PRUNE2: variants seen among roughly 807,000 people sequenced by gnomAD.
PRUNE2 encodes the protein prune homolog 2 with BCH domain.
A neutral mutation model predicts 252.0 loss-of-function variants in PRUNE2; 164 were observed. The ratio of observed to expected loss-of-function variants is 0.65; its 90% CI spans 0.57 to 0.74. The LOEUF (loss-of-function observed/expected upper bound fraction) is 0.74, where lower values mean the gene tolerates loss of function less well. Among genes scored for constraint, PRUNE2 ranks in the 30% least tolerant of loss-of-function variants. The pLI is 0.00. For missense variants in PRUNE2, 3,495 were observed against 3,711.0 expected (o/e 0.94, Z 1.51); for synonymous variants, 1,292 against 1,350.2 (o/e 0.96, Z 0.94).
In PRUNE2 at chr9:76,854,140, G is replaced by A; in HGVS notation, c.105C>T (p.Leu35=). ...IGPKSCDLDS[L]ISTFTYAYFL... ...AGTAAGCATATGTGAAGGTAGAAAT[G>A]AGAGAATCCAAGTCACACGATTTAG... is the stretch of plus-strand genomic sequence containing the variant. The change falls in exon 2 of 19, where the codon CTC becomes CTT. Residue 35 remains leucine (L), a synonymous_variant. Transcript: ENST00000376718. 6.2e-7 allele frequency: 1 copy of A among 1,601,354 alleles called. No individual in the cohort carries two copies. Among genetic ancestry groups the A allele is most frequent in the Non-Finnish European group, 8.5e-7 (1 of 1,171,460 alleles).
Position 76,710,272 on chromosome 9 carries a change from C to A in PRUNE2, c.2002G>T (p.Ala668Ser). ...TGTTCACTGGAACTCCACGCATCTG[C>A]AATATTTTTGGAGTCAATTTCCAAA... ...GGLEIDSKNI[A>S]DAWSSSEQES... Residue 668 changes from alanine to serine, a missense_variant, in exon 8 of 19, where the codon GCA (alanine) becomes TCA (serine). Transcript: ENST00000376718. 1 of 1,613,976 alleles carries A rather than the reference C, an allele frequency of 6.2e-7. No individual in the cohort carries two copies. Among genetic ancestry groups the A allele is most frequent in the Non-Finnish European group, 8.5e-7 (1 of 1,179,884 alleles).
intron 6 of PRUNE2, among the ~76,000 whole-genome samples, chr9:76,796,622 A>G (rs540635553): frequency 6.6e-6 from 1 of 152,264 alleles, no homozygotes; most frequent in African/African-American, 2.4e-5. Flanking sequence ...TGCATTTCCT[A>G]ATTGTCATAG....
chr9:76,823,569 C>G, intron 6 of PRUNE2, 63 bp downstream of exon 6: 2 of 920,490 alleles, frequency 2.2e-6, no homozygotes, highest in East Asian at 4.8e-5. Flanking sequence ...GAGTTACATT[C>G]CAGTTGCTCA....
chr9:76,671,841 C>T (rs1421327983), intron 9 of PRUNE2, among the ~76,000 whole-genome samples: 2 of 151,662 alleles, frequency 1.3e-5, no homozygotes, highest in Non-Finnish European at 2.9e-5. Flanking sequence ...ACTTTACAGA[C>T]AAGCAAATGC....
At chr9:76,790,651 TAAG>T (rs1252174018) in intron 6 of PRUNE2, among the ~76,000 whole-genome samples, 3 of 152,088 alleles carry the variant, frequency 2.0e-5, no homozygotes, top group Non-Finnish European at 2.9e-5. Flanking sequence ...CTTATAAAAA[TAAG>T]AAGGAGAAAG....
intron 9 of PRUNE2, among the ~76,000 whole-genome samples, chr9:76,668,691 G>C (rs951647645): frequency 6.6e-6 from 1 of 151,836 alleles, no homozygotes; most frequent in South Asian, 2.1e-4. Context: ...GGCCTGTGGG[G>C]CCTCCCCACT....
chr9:76,904,110 T>C (rs1264942092), intron 1 of PRUNE2, among the ~76,000 whole-genome samples: 2 of 152,344 alleles, frequency 1.3e-5, no homozygotes, highest in Non-Finnish European at 2.9e-5. Flanking sequence ...TGGCTGGATG[T>C]GAAAGGTTAA....
intron 6 of PRUNE2, among the ~76,000 whole-genome samples, chr9:76,734,653 T>G (rs1336999863): frequency 6.6e-6 from 1 of 152,230 alleles, no homozygotes; most frequent in East Asian, 1.9e-4. Context: ...CATAAGCATT[T>G]TTGTCTGTCA....
intron 9 of PRUNE2, among the ~76,000 whole-genome samples, chr9:76,672,495 G>A (rs1445191591): frequency 1.4e-4 from 17 of 123,950 alleles, no homozygotes; most frequent in Non-Finnish European, 2.5e-4. Flanking sequence ...ACAGATCAAC[G>A]AGACAGAAAG....
At chr9:76,744,110 T>C (rs890256160) in intron 6 of PRUNE2, among the ~76,000 whole-genome samples, 1 of 152,206 alleles carries the variant, frequency 6.6e-6, no homozygotes, top group Non-Finnish European at 1.5e-5. Context: ...AAACAGTCAG[T>C]TCCTTCTGAA....
chr9:76,866,919 C>A (rs2065078067), intron 1 of PRUNE2, among the ~76,000 whole-genome samples: 1 of 152,222 alleles, frequency 6.6e-6, no homozygotes, highest in Middle Eastern at 3.4e-3. Context: ...CTGTGAACAG[C>A]CCAGGCCCCT....
intron 6 of PRUNE2, among the ~76,000 whole-genome samples, chr9:76,807,230 T>TAAA (rs56229301): frequency 1.4e-5 from 2 of 145,982 alleles, no homozygotes; most frequent in Middle Eastern, 3.3e-3. Context: ...CTGGCTAATT[T>TAAA]AAAAAAAAAA....
intron 18 of PRUNE2, 34 bp downstream of exon 18, chr9:76,619,306 A>G: frequency 6.9e-7 from 1 of 1,450,662 alleles, no homozygotes; most frequent in Non-Finnish European, 9.6e-7. Flanking sequence ...CACTACAAGT[A>G]ACCACATAGC....
At chr9:76,649,839 T>A (rs1319085761) in intron 11 of PRUNE2, among the ~76,000 whole-genome samples, 2 of 152,174 alleles carry the variant, frequency 1.3e-5, no homozygotes, top group African/African-American at 4.8e-5. Flanking sequence ...AAAATTGCAT[T>A]GTGAGCAAAA....
At chr9:76,714,504 C>T (rs1376740083) in intron 6 of PRUNE2, among the ~76,000 whole-genome samples, 3 of 152,110 alleles carry the variant, frequency 2.0e-5, no homozygotes, top group African/African-American at 7.2e-5. Flanking sequence ...AAGCAATCCT[C>T]CCAGTTCAGC....
chr9:76,642,137 C>A (rs1009917466), intron 12 of PRUNE2, among the ~76,000 whole-genome samples: 1 of 152,018 alleles, frequency 6.6e-6, no homozygotes, highest in Non-Finnish European at 1.5e-5. Flanking sequence ...TCAGAGGGAC[C>A]CCGTACTGTT....
chr9:76,873,571 C>T (rs983567191), intron 1 of PRUNE2, among the ~76,000 whole-genome samples: 3 of 152,138 alleles, frequency 2.0e-5, no homozygotes, highest in African/African-American at 7.2e-5. Context: ...CTATTGTGTG[C>T]CTCTTGGCTC....
At chr9:76,738,553 TAA>T (rs2049286166) in intron 6 of PRUNE2, 1 of 152,204 alleles carries the variant, frequency 6.6e-6, no homozygotes, top group African/African-American at 2.4e-5. Flanking sequence ...CTGGTAATTA[TAA>T]GAGATAATTT....
intron 12 of PRUNE2, among the ~76,000 whole-genome samples, chr9:76,639,211 G>T (rs571090830): frequency 1.3e-5 from 2 of 152,262 alleles, no homozygotes; most frequent in East Asian, 3.9e-4. Context: ...ATACAGCCAG[G>T]CCGGGCGCCA....
Sources: allele counts gnomAD v4.1 joint callset (sites outside exome capture counted in the v4.1 genomes callset), GRCh38; gene constraint gnomAD v4.1.1; transcripts MANE v1.5; gene names NCBI Gene and HGNC (gene_info 2026-07-23, HGNC 2026-07-21).